The following UTRN variants were observed in gnomAD, a reference collection of about 807,000 sequenced individuals.
The protein encoded by UTRN is utrophin, also known as dystrophin-related protein 1.
A neutral mutation model predicts 463.9 loss-of-function variants in UTRN; 283 were observed. The ratio of observed to expected loss-of-function variants is 0.61; its 90% CI spans 0.55 to 0.67. The LOEUF (loss-of-function observed/expected upper bound fraction) is 0.67, where lower values mean the gene tolerates loss of function less well. Ranked by LOEUF, UTRN falls within the 30% of genes least tolerant of loss-of-function variation. The probability of loss-of-function intolerance (pLI) is 0.00; values close to 1 mark genes in which losing one functional copy is unlikely to be tolerated. For missense variants in UTRN, 3,922 were observed against 4,084.3 expected (o/e 0.96, Z 1.08); for synonymous variants, 1,442 against 1,431.5 (o/e 1.01, Z -0.17).
chr6:144,789,163 A>G (rs1405269799), intron 61 of UTRN, 31 bp from the exon 62 acceptor site: 7 of 1,556,834 alleles, frequency 4.5e-6, no homozygotes, highest in East Asian at 2.2e-5. Flanking sequence ...TTTTAAATGC[A>G]TCTAACACAT....
In UTRN at chr6:144,329,044, A is replaced by G. The variant is rs143278001; in HGVS notation, c.79+37137A>G. On this transcript the variant is annotated intron_variant, in intron 2 of 74. Transcript: ENST00000367545. ...AGGTAATCCCCCTGCCTCGGCCTGC[A>G]AAAGTGCTAGGATTACAGGTGTGAG... 3.5e-3 allele frequency among the ~76,000 whole-genome samples: 525 copies of G among 149,602 alleles called. 2 individuals are homozygous for G. Among genetic ancestry groups the G allele is most frequent in the Non-Finnish European group, 6.0e-3 (403 of 67,504 alleles).
At chr6:144,486,999 A>G (rs887103784) in intron 28 of UTRN, among the ~76,000 whole-genome samples, 1 of 152,176 alleles carries the variant, frequency 6.6e-6, no homozygotes, top group African/African-American at 2.4e-5. Context: ...TGTATATAAA[A>G]CAATGCCTCT....
intron 2 of UTRN, among the ~76,000 whole-genome samples, chr6:144,392,400 TTC>T (rs1782018455): frequency 6.6e-6 from 1 of 152,350 alleles, no homozygotes; most frequent in African/African-American, 2.4e-5. Flanking sequence ...GATTTTTATA[TTC>T]TGTTTAATCA....
intron 57 of UTRN, among the ~76,000 whole-genome samples, chr6:144,757,067 T>G (rs1334313751): frequency 1.3e-5 from 2 of 152,190 alleles, no homozygotes; most frequent in East Asian, 1.9e-4. Context: ...TGATGATATT[T>G]GCAAAGTATG....
intron 33 of UTRN, among the ~76,000 whole-genome samples, chr6:144,494,951 A>C (rs923620816): frequency 1.3e-5 from 2 of 152,170 alleles, no homozygotes; most frequent in Non-Finnish European, 2.9e-5. Flanking sequence ...ACCCTGAGCT[A>C]GACACAGGGT....
In UTRN at chr6:144,827,676, G is replaced by A. The variant is rs962310762; in HGVS notation, c.9599G>A (p.Arg3200Gln). The change falls in exon 68 of 75, where the codon CGA becomes CAA. Residue 3200 changes from arginine to glutamine, a missense_variant and splice_region_variant. This residue lies in a region of UTRN where 1,309 missense variants were observed against 1,452.6 expected (regional missense o/e 0.90). Transcript: ENST00000367545. ...THSRIEQYATRLAQMERTNGS... is the reference protein window; with the variant it reads ...THSRIEQYATQLAQMERTNGS... ...TCAAGAATAGAACAATATGCCACAC[G>A]GTAAGAAACTTTGATCAGAGCCCTC... is the stretch of plus-strand genomic sequence containing the variant. 5.6e-6 allele frequency: 9 copies of A among 1,613,124 alleles called. No homozygotes were observed. The highest frequency in any genetic ancestry group is 1.7e-5 in the Admixed American group (1 of 59,926).
chr6:144,798,141 G>A (rs898091713), intron 64 of UTRN, 151 bp downstream of exon 64: 3 of 1,031,574 alleles, frequency 2.9e-6, no homozygotes, highest in Non-Finnish European at 4.1e-6. Flanking sequence ...TCTAAAAGTA[G>A]CATTTCTTTT....
intron 51 of UTRN, among the ~76,000 whole-genome samples, chr6:144,631,237 G>GGTGTGT (rs67332744): frequency 0.051 from 7,480 of 147,450 alleles, 199 homozygotes; most frequent in South Asian, 0.083. Flanking sequence ...GAGAGAGAGA[G>GGTGTGT]GTGTGTGTGT....
chr6:144,744,518 A>G (rs1790482566), intron 54 of UTRN, among the ~76,000 whole-genome samples: 1 of 150,034 alleles, frequency 6.7e-6, no homozygotes, highest in Admixed American at 6.7e-5. Context: ...AGTTGAGTGT[A>G]TATGTACGTA....
At chr6:144,649,544 T>C (rs1182026732) in intron 51 of UTRN, among the ~76,000 whole-genome samples, 2 of 152,218 alleles carry the variant, frequency 1.3e-5, no homozygotes, top group Non-Finnish European at 2.9e-5. Flanking sequence ...TGGACAGCAC[T>C]GCATCACAGT....
At chr6:144,353,290 A>G (rs1278090690) in intron 2 of UTRN, among the ~76,000 whole-genome samples, 2 of 151,652 alleles carry the variant, frequency 1.3e-5, no homozygotes, top group East Asian at 3.9e-4. Flanking sequence ...AATTTTTTGT[A>G]TTTTTAGTAG....
chr6:144,754,998 T>G (rs569708584), intron 57 of UTRN, among the ~76,000 whole-genome samples, 200 bp downstream of exon 57: 7 of 152,276 alleles, frequency 4.6e-5, no homozygotes, highest in African/African-American at 1.7e-4. Context: ...GTCTTCAAGG[T>G]GGAACAGAAA....
intron 68 of UTRN, 47 bp downstream of exon 68, chr6:144,827,723 G>A (rs775611213): frequency 3.8e-6 from 6 of 1,577,488 alleles, no homozygotes; most frequent in Non-Finnish European, 5.2e-6. Context: ...CACCCAGAAT[G>A]TATCTATGTC....
At chr6:144,637,978 G>A (rs1246668459) in intron 51 of UTRN, among the ~76,000 whole-genome samples, 1 of 152,178 alleles carries the variant, frequency 6.6e-6, no homozygotes, top group Non-Finnish European at 1.5e-5. Flanking sequence ...GCTCATAGAA[G>A]AGACATATTT....
At chr6:144,580,825 G>A (rs1240319884) in intron 51 of UTRN, among the ~76,000 whole-genome samples, 1 of 152,198 alleles carries the variant, frequency 6.6e-6, no homozygotes, top group Non-Finnish European at 1.5e-5. Context: ...GATGGTATGA[G>A]GAATGGACTT....
chr6:144,332,320 C>A (rs369291890), intron 2 of UTRN, among the ~76,000 whole-genome samples: 20 of 152,272 alleles, frequency 1.3e-4, no homozygotes, highest in African/African-American at 4.6e-4. Context: ...GTGCCTTGTA[C>A]GGTGCCTGTT....
chr6:144,364,595 T>C (rs6904291), intron 2 of UTRN, among the ~76,000 whole-genome samples: 18,129 of 152,268 alleles, frequency 0.12, 1,482 homozygotes, highest in African/African-American at 0.23. Context: ...GCGTTGCAGA[T>C]GAGTCCGTGT....
chr6:144,353,633 A>C (rs1284503545), intron 2 of UTRN, among the ~76,000 whole-genome samples: 1 of 152,116 alleles, frequency 6.6e-6, no homozygotes, highest in African/African-American at 2.4e-5. Flanking sequence ...AGGAATTAGA[A>C]ATAAGAAAAC....
intron 58 of UTRN, among the ~76,000 whole-genome samples, chr6:144,758,666 C>G (rs1189899257): frequency 6.6e-6 from 1 of 151,932 alleles, no homozygotes; most frequent in Non-Finnish European, 1.5e-5. Flanking sequence ...GGCGTTGATC[C>G]TTGGCTTAGG....
Sources: allele counts gnomAD v4.1 joint callset (sites outside exome capture counted in the v4.1 genomes callset), GRCh38; gene constraint gnomAD v4.1.1; regional missense constraint gnomAD v4.1.1; transcripts MANE v1.5; gene names NCBI Gene and HGNC (gene_info 2026-07-23, HGNC 2026-07-21).